Variants in NTRK3 observed in about 807,000 individuals in gnomAD.
NTRK3 encodes neurotrophic receptor tyrosine kinase 3.
Under a neutral mutation model 91.7 loss-of-function variants are expected in NTRK3, and 24 were observed. The observed-to-expected ratio is 0.26, with a 90% CI of 0.19 to 0.37. NTRK3 has a LOEUF of 0.37. NTRK3 is among the 10% of genes least tolerant of loss of function. The probability of loss-of-function intolerance (pLI) is 1.00; values close to 1 mark genes in which losing one functional copy is unlikely to be tolerated. For missense variants in NTRK3, 880 were observed against 1,068.9 expected, an observed-to-expected ratio of 0.82 and a Z score of 2.46; for synonymous variants, 483 against 404.0, an observed-to-expected ratio of 1.20 and a Z score of -2.34.
At chr15:88,066,737 G>A (rs185635651) in intron 13 of NTRK3, among the ~76,000 whole-genome samples, 4 of 152,210 alleles carry the variant, frequency 2.6e-5, no homozygotes, top group East Asian at 3.9e-4. Flanking sequence ...AGCCATGATC[G>A]TCAAAGACAG....
At chr15:88,043,458 C>A (rs2079853620) in intron 13 of NTRK3, among the ~76,000 whole-genome samples, 1 of 152,232 alleles carries the variant, frequency 6.6e-6, no homozygotes, top group African/African-American at 2.4e-5. Context: ...TTTCCCCCAA[C>A]TTCCTGGGGA....
intron 13 of NTRK3, among the ~76,000 whole-genome samples, chr15:88,107,822 T>C (rs2050880424): frequency 6.6e-6 from 1 of 151,940 alleles, no homozygotes; most frequent in Admixed American, 6.6e-5. Flanking sequence ...CATCACTAAG[T>C]CCCAGTCAGC....
At chr15:87,873,330 C>G (rs1416601330) in exon 19 of NTRK3, 2 of 228,926 alleles carry the variant, frequency 8.7e-6, no homozygotes, top group Non-Finnish European at 1.7e-5. Flanking sequence ...TTCAGTGATG[C>G]CCAAGGTCCC....
At chr15:87,922,530 T>C (rs1596265187) in intron 17 of NTRK3, among the ~76,000 whole-genome samples, 1 of 152,266 alleles carries the variant, frequency 6.6e-6, no homozygotes, top group Admixed American at 6.5e-5. Context: ...TAAATATCTT[T>C]AGGATCCTCT....
chr15:88,184,623 G>A (rs2046801841), intron 3 of NTRK3, among the ~76,000 whole-genome samples: 1 of 152,216 alleles, frequency 6.6e-6, no homozygotes, highest in African/African-American at 2.4e-5. Flanking sequence ...TCCTAACTCA[G>A]TTTTCCTCTG....
rs551989290 is a variant in NTRK3, at chr15:87,980,407, T to C, written c.1586-39654A>G. On this transcript the variant is annotated intron_variant, in intron 14 of 18. Coordinates refer to ENST00000394480, the Ensembl canonical transcript of NTRK3. ...TTTGCATGTGTGTTTGCATGTGTAT[T>C]TGTGTGTTTGTGTGCATCTGTATGT... 5.9e-5 allele frequency among the ~76,000 whole-genome samples: 9 copies of C among 152,204 alleles called. No homozygotes were observed. In the East Asian group the frequency reaches 1.7e-3, roughly 29 times the overall value.
chr15:88,230,611 G>A (rs922997869), intron 3 of NTRK3, among the ~76,000 whole-genome samples: 4 of 152,134 alleles, frequency 2.6e-5, no homozygotes, highest in African/African-American at 9.7e-5. Flanking sequence ...TAATAATCAT[G>A]TACCAACCAA....
chr15:88,180,707 A>T (rs929449773), intron 5 of NTRK3, among the ~76,000 whole-genome samples: 1 of 149,676 alleles, frequency 6.7e-6, no homozygotes, highest in African/African-American at 2.5e-5. Context: ...AAAAGCCACC[A>T]AGCCAGGGCT....
chr15:88,227,528 C>T (rs2050780215), intron 3 of NTRK3, among the ~76,000 whole-genome samples: 1 of 152,070 alleles, frequency 6.6e-6, no homozygotes, highest in African/African-American at 2.4e-5. Flanking sequence ...AGAAGGATGA[C>T]CAGGTGAAGG....
At chr15:88,013,303 A>C (rs1186663572) in intron 14 of NTRK3, among the ~76,000 whole-genome samples, 1 of 152,240 alleles carries the variant, frequency 6.6e-6, no homozygotes, top group Non-Finnish European at 1.5e-5. Flanking sequence ...GTAACCAGAT[A>C]ACAGAACTGT....
chr15:87,954,942 G>C (rs891037544), intron 14 of NTRK3, among the ~76,000 whole-genome samples: 6 of 152,212 alleles, frequency 3.9e-5, no homozygotes, highest in Non-Finnish European at 7.3e-5. Flanking sequence ...TTTCCCAGGA[G>C]TGTGGTAAGG....
rs187828 is a variant in NTRK3 at position 88,093,644 on chromosome 15, G to A, written c.1396+32627C>T. ...TGATGCACCTGATCATTGTTATGAA[G>A]AACATGTGGTCTGATCCCTGAATCA... On this transcript the variant is annotated intron_variant, in intron 13 of 18. Coordinates refer to ENST00000394480, the Ensembl canonical transcript of NTRK3. Among the ~76,000 whole-genome samples, 8 of 152,278 alleles carry A rather than the reference G, an allele frequency of 5.3e-5. 1 individual carries two copies. The South Asian group carries it at 1.7e-3, about 32-fold the overall frequency.
At chr15:88,038,672 G>C (rs1191828423) in intron 13 of NTRK3, among the ~76,000 whole-genome samples, 2 of 152,060 alleles carry the variant, frequency 1.3e-5, no homozygotes, top group African/African-American at 4.8e-5. Context: ...CCTTTTACTT[G>C]ATTTTGCTGT....
In NTRK3 at chr15:87,860,595, C is replaced by T. The variant is rs533859459; in HGVS notation, c.*16340G>A. The stretch of plus-strand genomic sequence containing the variant: ...TTAACGAGATTGATTCTCCAAGACT[C>T]GCCAGGATGCAAATAAAATCAGCAT... On this transcript the variant is annotated 3_prime_UTR_variant, in exon 19 of 19. Coordinates refer to ENST00000394480, the Ensembl canonical transcript of NTRK3. The T allele has an allele frequency of 1.5e-4, 31 of 206,394 alleles. 1 individual carries two copies. Among genetic ancestry groups the T allele is most frequent in the East Asian group, 2.9e-4 (4 of 13,662 alleles). 12.8% of individuals were successfully genotyped at this position (206,394 alleles called of 1,614,324 possible). A position where few individuals can be genotyped will look rare whatever the true frequency, so the allele number is the denominator to read the frequency against.
At chr15:88,080,431 T>C (rs2150635123) in intron 13 of NTRK3, among the ~76,000 whole-genome samples, 1 of 152,358 alleles carries the variant, frequency 6.6e-6, no homozygotes, top group East Asian at 1.9e-4. Context: ...ATTTAATTAA[T>C]GTTTCTTTGA....
chr15:87,877,223 C>T, intron 18 of NTRK3, 103 bp from the exon 20 acceptor site: 1 of 1,220,590 alleles, frequency 8.2e-7, no homozygotes, highest in Non-Finnish European at 1.2e-6. Flanking sequence ...AGTTTCTATG[C>T]AGAGCCGAGG....
exon 19 of NTRK3, chr15:87,861,117 C>T (rs879478509): frequency 8.8e-6 from 2 of 226,182 alleles, no homozygotes. Context: ...TTGCCATAAG[C>T]CAGCTAACCC....
At chr15:87,899,660 C>G in intron 17 of NTRK3, among the ~76,000 whole-genome samples, 1 of 152,182 alleles carries the variant, frequency 6.6e-6, no homozygotes, top group East Asian at 1.9e-4. Flanking sequence ...ACCAGGAACA[C>G]TTTGCATATT....
chr15:88,190,933 T>C (rs1482043040), intron 3 of NTRK3, among the ~76,000 whole-genome samples: 1 of 152,218 alleles, frequency 6.6e-6, no homozygotes, highest in Non-Finnish European at 1.5e-5. Flanking sequence ...TAAGGGAATA[T>C]GAAAACATTC....
Sources: allele counts gnomAD v4.1 joint callset (sites outside exome capture counted in the v4.1 genomes callset), GRCh38; gene constraint gnomAD v4.1.1; transcripts MANE v1.5; gene names NCBI Gene and HGNC (gene_info 2026-07-23, HGNC 2026-07-21).